LRRIQ3: variants seen among roughly 807,000 people sequenced by gnomAD.
LRRIQ3 encodes the protein leucine rich repeats and IQ motif containing 3.
Under a neutral mutation model 59.3 loss-of-function variants are expected in LRRIQ3, and 75 were observed. The ratio of observed to expected loss-of-function variants is 1.26; its 90% CI spans 1.05 to 1.53. The LOEUF (loss-of-function observed/expected upper bound fraction) is 1.53, where lower values mean the gene tolerates loss of function less well. Among genes scored for constraint, LRRIQ3 ranks in the 40% most tolerant of loss-of-function variants. LRRIQ3 has a pLI of 0.00. For synonymous variants in LRRIQ3, 250 were observed against 231.3 expected (o/e 1.08, Z -0.73); for missense variants, 831 against 710.0 (o/e 1.17, Z -1.94).
chr1:74,110,889 G>A (rs1018505227), intron 4 of LRRIQ3, among the ~76,000 whole-genome samples: 17 of 151,972 alleles, frequency 1.1e-4, no homozygotes, highest in African/African-American at 3.6e-4. Context: ...AAAGTCATTC[G>A]ATTTTGTTTT....
intron 1 of LRRIQ3, among the ~76,000 whole-genome samples, chr1:74,194,413 G>A (rs1302677666): frequency 3.9e-5 from 6 of 152,068 alleles, no homozygotes; most frequent in Non-Finnish European, 7.4e-5. Flanking sequence ...ATATTTTCAT[G>A]GCATATTCTA....
chr1:74,125,422 T>C (rs1270488964), intron 4 of LRRIQ3, among the ~76,000 whole-genome samples: 1 of 151,952 alleles, frequency 6.6e-6, no homozygotes, highest in Non-Finnish European at 1.5e-5. Flanking sequence ...GTGGACATCC[T>C]TGTTGTGTTC....
chr1:74,153,247 C>A (rs1008110883), intron 4 of LRRIQ3, among the ~76,000 whole-genome samples: 21 of 152,034 alleles, frequency 1.4e-4, no homozygotes, highest in Non-Finnish European at 2.4e-4. Flanking sequence ...ATTGTATCAC[C>A]CGTACTAGAA....
chr1:74,149,818 T>C (rs1211877182), intron 4 of LRRIQ3, among the ~76,000 whole-genome samples: 1 of 152,214 alleles, frequency 6.6e-6, no homozygotes, highest in African/African-American at 2.4e-5. Context: ...ATAGTTATTA[T>C]TTTGTCTTTT....
chr1:74,059,136 T>C (rs1037286431), intron 6 of LRRIQ3, among the ~76,000 whole-genome samples: 1 of 152,046 alleles, frequency 6.6e-6, no homozygotes, highest in South Asian at 2.1e-4. Context: ...TTTATCTTAC[T>C]CAGCGAGTGT....
intron 3 of LRRIQ3, among the ~76,000 whole-genome samples, chr1:74,179,235 A>G (rs1469216068): frequency 1.3e-5 from 2 of 152,072 alleles, no homozygotes; most frequent in Non-Finnish European, 2.9e-5. Flanking sequence ...TTGTAAAGTT[A>G]CTTTGATTTC....
chr1:74,046,761 C>A (rs186395159), intron 6 of LRRIQ3, among the ~76,000 whole-genome samples: 2 of 151,800 alleles, frequency 1.3e-5, no homozygotes, highest in Non-Finnish European at 2.9e-5. Flanking sequence ...AGAAAAAAAA[C>A]AAACAAACCC....
chr1:74,102,587 A>C (rs1427398889), intron 5 of LRRIQ3, among the ~76,000 whole-genome samples: 1 of 151,996 alleles, frequency 6.6e-6, no homozygotes, highest in African/African-American at 2.4e-5. Flanking sequence ...TTAAAATTAG[A>C]ACTATGATAT....
intron 1 of LRRIQ3, among the ~76,000 whole-genome samples, chr1:74,185,325 G>C (rs1650287172): frequency 6.6e-6 from 1 of 152,118 alleles, no homozygotes; most frequent in South Asian, 2.1e-4. Flanking sequence ...TCAATGTTTT[G>C]ATTTTGGTCA....
chr1:74,054,518 T>C (rs1462410007), intron 6 of LRRIQ3, among the ~76,000 whole-genome samples: 5 of 152,022 alleles, frequency 3.3e-5, no homozygotes, highest in Non-Finnish European at 7.4e-5. Flanking sequence ...AACCCTAAGG[T>C]AAATTATGAT....
chr1:74,048,818 T>A (rs909994166), intron 6 of LRRIQ3, among the ~76,000 whole-genome samples: 1 of 152,170 alleles, frequency 6.6e-6, no homozygotes, highest in Non-Finnish European at 1.5e-5. Flanking sequence ...TAAAATTGAA[T>A]GTTTGTTGTG....
At chr1:74,043,658 C>T (rs915840563) in intron 6 of LRRIQ3, among the ~76,000 whole-genome samples, 1 of 152,088 alleles carries the variant, frequency 6.6e-6, no homozygotes, top group Non-Finnish European at 1.5e-5. Flanking sequence ...TTAAAAGTCT[C>T]CTAATTTCTT....
intron 4 of LRRIQ3, among the ~76,000 whole-genome samples, chr1:74,137,764 TA>T (rs542650067): frequency 5.8e-4 from 88 of 152,008 alleles, no homozygotes; most frequent in African/African-American, 2.0e-3. Context: ...TATTCAGCCA[TA>T]AAAAAGGATG....
intron 7 of LRRIQ3, among the ~76,000 whole-genome samples, chr1:74,037,823 A>T (rs1327649475): frequency 6.6e-6 from 1 of 152,102 alleles, no homozygotes; most frequent in Non-Finnish European, 1.5e-5. Flanking sequence ...CAGCCTAGGA[A>T]ACCGTGCTTT....
At chr1:74,174,548 AT>A (rs34076332) in intron 3 of LRRIQ3, among the ~76,000 whole-genome samples, 65,091 of 134,438 alleles carry the variant, frequency 0.48, 14,947 homozygotes, top group East Asian at 0.78. Context: ...ATGCCTGGCT[AT>A]TTTTTTTTTT....
intron 4 of LRRIQ3, among the ~76,000 whole-genome samples, chr1:74,116,296 T>C (rs966369743): frequency 6.6e-6 from 1 of 152,064 alleles, no homozygotes; most frequent in Non-Finnish European, 1.5e-5. Flanking sequence ...CTGTGTTCTT[T>C]TGTAACTTTG....
intron 6 of LRRIQ3, among the ~76,000 whole-genome samples, chr1:74,063,375 T>C (rs1481947902): frequency 2.6e-5 from 4 of 152,066 alleles, no homozygotes; most frequent in African/African-American, 9.7e-5. Context: ...TGTATTCTGC[T>C]ATTGATGAGT....
At chr1:74,162,813 G>T (rs1425453443) in intron 3 of LRRIQ3, among the ~76,000 whole-genome samples, 1 of 151,598 alleles carries the variant, frequency 6.6e-6, no homozygotes, top group African/African-American at 2.4e-5. Context: ...GAAGTAAAAT[G>T]TAGAACAGAG....
At chr1:74,190,876 T>G (rs549999888) in intron 1 of LRRIQ3, among the ~76,000 whole-genome samples, 9 of 152,146 alleles carry the variant, frequency 5.9e-5, no homozygotes, top group Middle Eastern at 3.4e-3. Context: ...ATATTTGAAG[T>G]GTTAAGAGAA....
Sources: gnomAD v4.1 joint callset for allele counts (sites outside exome capture counted in the v4.1 genomes callset) on GRCh38, gnomAD v4.1.1 for gene constraint, MANE v1.5 for transcripts, NCBI Gene and HGNC (gene_info 2026-07-23, HGNC 2026-07-21) for gene names.